The following DGKI variants were observed in gnomAD, a reference collection of about 807,000 sequenced individuals.
DGKI encodes DAG kinase iota.
Under a neutral mutation model 147.5 loss-of-function variants are expected in DGKI, and 55 were observed. The observed-to-expected ratio is 0.37, with a 90% confidence interval of 0.30 to 0.47. The LOEUF (loss-of-function observed/expected upper bound fraction) is 0.47, where lower values mean the gene tolerates loss of function less well. Among genes scored for constraint, DGKI ranks in the 20% least tolerant of loss-of-function variants. DGKI has a pLI of 1.00. For synonymous variants in DGKI, 469 were observed against 477.1 expected (o/e 0.98, Z 0.22); for missense variants, 1,007 against 1,323.8 (o/e 0.76, Z 3.71).
chr7:137,415,566 C>T (rs752066893), intron 28 of DGKI, among the ~76,000 whole-genome samples: 9 of 152,162 alleles, frequency 5.9e-5, no homozygotes, highest in Non-Finnish European at 1.0e-4. Flanking sequence ...GACTTTAATA[C>T]TATAGGATGT....
At chr7:137,432,691 G>A (rs1319596512) in intron 28 of DGKI, among the ~76,000 whole-genome samples, 1 of 152,192 alleles carries the variant, frequency 6.6e-6, no homozygotes, top group Non-Finnish European at 1.5e-5. Flanking sequence ...TGTAGAACCA[G>A]GATGTGAAAT....
chr7:137,446,381 G>A (rs1813716119), intron 27 of DGKI, among the ~76,000 whole-genome samples: 2 of 152,194 alleles, frequency 1.3e-5, no homozygotes, highest in Non-Finnish European at 2.9e-5. Flanking sequence ...GACATATGGA[G>A]TATTTCCATC....
chr7:137,796,246 C>T (rs1033572349), intron 1 of DGKI, among the ~76,000 whole-genome samples: 1 of 152,116 alleles, frequency 6.6e-6, no homozygotes, highest in African/African-American at 2.4e-5. Flanking sequence ...GCCTGTAATC[C>T]CAGCACTTTG....
At position 137,846,438 on chromosome 7, in the gene DGKI, C is replaced by A; in HGVS notation, c.401+24G>T. ...GTCTCCCGCCGCGGCGCACCTGTCT[C>A]GGCTGCCGGCTCCCCGCACCTACCT... On this transcript the variant is annotated intron_variant, in intron 1 of 32. Coordinates refer to ENST00000614521, the MANE Select transcript of DGKI (RefSeq NM_001321708.2). This position sits in a 1 kb window ranked among gnomAD's most constrained non-coding sequence, Gnocchi z 4.0. 6.4e-7 allele frequency: 1 copy of A among 1,552,594 alleles called. No homozygotes were observed. The highest frequency in any genetic ancestry group is 8.7e-7 in the Non-Finnish European group (1 of 1,143,584).
rs144417905 is a variant in DGKI, at chr7:137,463,674, A to C, written c.2613-63T>G. On this transcript the variant is annotated intron_variant, in intron 26 of 32. Transcript: ENST00000614521. ...AAGTCAGCCACGTGACTTCGTTTCC[A>C]CTTTCTGAAGATGAATCTTGCCAGT... 5.1e-6 allele frequency: 8 copies of C among 1,581,866 alleles called. No homozygotes were observed. The East Asian group carries it at 1.8e-4, about 36-fold the overall frequency.
chr7:137,786,331 C>A (rs974612687), intron 1 of DGKI, among the ~76,000 whole-genome samples: 1 of 152,042 alleles, frequency 6.6e-6, no homozygotes, highest in African/African-American at 2.4e-5. Context: ...CAACAGTGAC[C>A]AAGTTGAGAA....
chr7:137,585,782 A>G (rs1819372167), intron 13 of DGKI, among the ~76,000 whole-genome samples: 1 of 152,142 alleles, frequency 6.6e-6, no homozygotes, highest in Admixed American at 6.5e-5. Flanking sequence ...CTCCCTCTCA[A>G]TCACCTCTCC....
intron 28 of DGKI, among the ~76,000 whole-genome samples, chr7:137,417,245 A>T (rs1812394397): frequency 6.6e-6 from 1 of 152,248 alleles, no homozygotes. Context: ...TAATGGATAT[A>T]AAAGTTTTTA....
chr7:137,407,751 C>CTAAAAGTTCGAGAGTATTTCTGCCA, intron 30 of DGKI, 124 bp downstream of exon 30: 1 of 1,308,226 alleles, frequency 7.6e-7, no homozygotes, highest in South Asian at 1.4e-5. Flanking sequence ...GCAGAGTCTG[C>CTAAAAGTTCGAGAGTATTTCTGCCA]TAAAAGTTCG....
chr7:137,605,398 C>T (rs1820150762), intron 10 of DGKI, among the ~76,000 whole-genome samples: 1 of 144,414 alleles, frequency 6.9e-6, no homozygotes, highest in Non-Finnish European at 1.5e-5. Flanking sequence ...AATTTTGGTC[C>T]CTGATTCCTC....
At chr7:137,462,865 A>G (rs1230552674) in intron 27 of DGKI, among the ~76,000 whole-genome samples, 1 of 152,190 alleles carries the variant, frequency 6.6e-6, no homozygotes, top group Non-Finnish European at 1.5e-5. Context: ...GCACAAAGGT[A>G]TCGACACTGC....
At chr7:137,599,723 G>A (rs1263812477) in intron 11 of DGKI, 100 bp downstream of exon 11, 12 of 1,026,040 alleles carry the variant, frequency 1.2e-5, no homozygotes, top group Non-Finnish European at 1.6e-5. Context: ...GTAGATGACA[G>A]ATGGTCAGGA....
intron 28 of DGKI, among the ~76,000 whole-genome samples, chr7:137,427,189 T>TA (rs1812851373): frequency 6.6e-6 from 1 of 152,078 alleles, no homozygotes. Context: ...ACAGAAATTA[T>TA]AAAAAACTGT....
chr7:137,511,985 A>C (rs1585185407), intron 21 of DGKI, among the ~76,000 whole-genome samples: 1 of 152,126 alleles, frequency 6.6e-6, no homozygotes, highest in Non-Finnish European at 1.5e-5. Context: ...AAAGTTCAAC[A>C]TCTCCCTCTT....
chr7:137,657,627 T>C (rs145660083), intron 3 of DGKI, among the ~76,000 whole-genome samples: 2 of 152,300 alleles, frequency 1.3e-5, no homozygotes, highest in Non-Finnish European at 2.9e-5. Flanking sequence ...TAACTAAGCC[T>C]GTCTGTCAGA....
At chr7:137,730,585 T>C (rs1352836517) in intron 1 of DGKI, among the ~76,000 whole-genome samples, 1 of 152,114 alleles carries the variant, frequency 6.6e-6, no homozygotes, top group East Asian at 1.9e-4. Context: ...TCCCTCATTT[T>C]TGAAACGTAT....
At chr7:137,533,195 G>A (rs1435596147) in intron 20 of DGKI, among the ~76,000 whole-genome samples, 3 of 151,910 alleles carry the variant, frequency 2.0e-5, no homozygotes, top group Non-Finnish European at 2.9e-5. Context: ...AGGCTGAGGC[G>A]GGAGGATCAC....
At chr7:137,836,809 A>T (rs2117091442) in intron 1 of DGKI, among the ~76,000 whole-genome samples, 1 of 152,350 alleles carries the variant, frequency 6.6e-6, no homozygotes, top group South Asian at 2.1e-4. Flanking sequence ...GCTAAGTTTT[A>T]TGCTTAGACA....
intron 1 of DGKI, among the ~76,000 whole-genome samples, chr7:137,721,367 A>G (rs931975078): frequency 6.6e-6 from 1 of 152,192 alleles, no homozygotes; most frequent in Non-Finnish European, 1.5e-5. Context: ...TATAAATAAC[A>G]TCTTCTACCT....
Sources: allele counts gnomAD v4.1 joint callset (sites outside exome capture counted in the v4.1 genomes callset), GRCh38; gene constraint gnomAD v4.1.1; non-coding constraint Gnocchi (gnomAD v3.1); transcripts MANE v1.5; gene names NCBI Gene and HGNC (gene_info 2026-07-23, HGNC 2026-07-21).